The following FRMPD4 variants were observed in gnomAD, a reference collection of about 807,000 sequenced individuals.
FRMPD4 encodes FERM and PDZ domain containing 4, also known as FERM and PDZ domain-containing protein 4.
In FRMPD4, 22 loss-of-function variants were observed where a neutral mutation model predicts 94.1. The observed-to-expected ratio is 0.23, with a 90% CI of 0.17 to 0.33. The LOEUF (loss-of-function observed/expected upper bound fraction) is 0.33. FRMPD4 is among the 10% of genes least tolerant of loss of function. FRMPD4 has a pLI of 1.00. For missense variants in FRMPD4, 1,111 were observed against 1,339.9 expected (o/e 0.83, Z 2.67); for synonymous variants, 631 against 548.6 (o/e 1.15, Z -2.10).
intron 1 of FRMPD4, among the ~76,000 whole-genome samples, chrX:12,418,552 G>T (rs1320386444): frequency 9.2e-6 from 1 of 108,568 alleles, no homozygotes; most frequent in African/African-American, 3.4e-5. Context: ...TAGAGATGGG[G>T]TTTCACCATG....
At chrX:12,020,760 A>G (rs1321197927) in intron 3 of FRMPD4, among the ~76,000 whole-genome samples, 2 of 112,041 alleles carry the variant, frequency 1.8e-5, no homozygotes, top group Admixed American at 9.4e-5. Context: ...GTTTCAATTA[A>G]TTAATCAACC....
At chrX:12,469,101 A>C (rs781110734) in intron 1 of FRMPD4, among the ~76,000 whole-genome samples, 4 of 112,263 alleles carry the variant, frequency 3.6e-5, no homozygotes, top group Non-Finnish European at 7.5e-5. Context: ...GAGTCATTTC[A>C]TTTGCTTAGA....
At chrX:12,670,967 G>A (rs187210454) in intron 4 of FRMPD4, among the ~76,000 whole-genome samples, 2 of 112,291 alleles carry the variant, frequency 1.8e-5, no homozygotes, top group South Asian at 3.7e-4. Flanking sequence ...ATATTTATGC[G>A]GCCAACAAAC....
intron 1 of FRMPD4, among the ~76,000 whole-genome samples, chrX:12,491,802 G>C (rs1000035198): frequency 1.8e-5 from 2 of 111,750 alleles, no homozygotes; most frequent in African/African-American, 6.5e-5. Context: ...TAAGGACATT[G>C]TCCATCCCCT....
rs919503896 is a variant in FRMPD4 at position 12,698,009 on chromosome X, T to A, written c.933+3555T>A. ...CATAAGTCTAAAATAACATCTAATA[T>A]AAGTCAACAGATCTGCAAATGGTGT... On this transcript the variant is annotated intron_variant, in intron 9 of 16. Coordinates refer to ENST00000675598, the MANE Select transcript of FRMPD4 (RefSeq NM_001368397.1). Among the ~76,000 whole-genome samples, 6 of 112,046 alleles carry A rather than the reference T, an allele frequency of 5.4e-5. 1 individual carries two copies. The Admixed American group carries it at 5.7e-4, about 11-fold the overall frequency.
intron 2 of FRMPD4, among the ~76,000 whole-genome samples, chrX:12,511,523 A>G (rs1032012617): frequency 9.0e-6 from 1 of 111,599 alleles, no homozygotes; most frequent in Non-Finnish European, 1.9e-5. Context: ...AGAGGTTTCA[A>G]CAGAAGACTG....
chrX:11,841,622 A>G (rs1358707120), intron 1 of FRMPD4, among the ~76,000 whole-genome samples: 1 of 111,287 alleles, frequency 9.0e-6, no homozygotes, highest in African/African-American at 3.3e-5. Flanking sequence ...AATGTGTTTG[A>G]GTTCATTGTA....
intron 1 of FRMPD4, among the ~76,000 whole-genome samples, chrX:12,476,449 C>G (rs1367378108): frequency 1.1e-3 from 119 of 111,087 alleles, no homozygotes; most frequent in African/African-American, 3.9e-3. Flanking sequence ...GCAACAAAAG[C>G]CAAAATTGAC....
At chrX:12,277,635 A>G (rs1449389411) in intron 1 of FRMPD4, among the ~76,000 whole-genome samples, 4 of 111,711 alleles carry the variant, frequency 3.6e-5, no homozygotes, top group Non-Finnish European at 5.6e-5. Context: ...GGGAAGAAAA[A>G]GGGGTCACCA....
At chrX:12,399,950 G>A (rs1475025601) in intron 1 of FRMPD4, among the ~76,000 whole-genome samples, 3 of 111,944 alleles carry the variant, frequency 2.7e-5, no homozygotes, top group East Asian at 5.6e-4. Context: ...TGACCATGTG[G>A]TTCTCCTGGG....
At chrX:12,694,244 A>C in intron 8 of FRMPD4, 91 bp from the exon 9 acceptor site, 1 of 622,537 alleles carries the variant, frequency 1.6e-6, no homozygotes, top group Non-Finnish European at 2.6e-6. Flanking sequence ...TTCTTTCCTT[A>C]GTGTCCAAAA....
At chrX:12,521,386 G>A (rs756256533) in intron 2 of FRMPD4, among the ~76,000 whole-genome samples, 1 of 111,941 alleles carries the variant, frequency 8.9e-6, no homozygotes, top group African/African-American at 3.3e-5. Flanking sequence ...TTGGAAGATC[G>A]TGCAATCTCT....
intron 2 of FRMPD4, among the ~76,000 whole-genome samples, chrX:12,499,516 A>T (rs1410450994): frequency 8.9e-6 from 1 of 112,165 alleles, no homozygotes; most frequent in Non-Finnish European, 1.9e-5. Flanking sequence ...TTAAACAATA[A>T]TTGCCAGTTC....
chrX:12,092,978 G>T (rs1416151740), intron 3 of FRMPD4, among the ~76,000 whole-genome samples: 4 of 111,492 alleles, frequency 3.6e-5, no homozygotes, highest in Non-Finnish European at 7.5e-5. Flanking sequence ...AGAGGTGAGA[G>T]AGCAAGTAAT....
chrX:12,513,302 C>A (rs980574862), intron 2 of FRMPD4, among the ~76,000 whole-genome samples: 4 of 111,893 alleles, frequency 3.6e-5, no homozygotes, highest in African/African-American at 9.7e-5. Flanking sequence ...GTGCCTACGT[C>A]CTGAATGGTA....
At chrX:12,484,729 C>T (rs2057722135) in intron 1 of FRMPD4, among the ~76,000 whole-genome samples, 1 of 111,865 alleles carries the variant, frequency 8.9e-6, no homozygotes, top group Non-Finnish European at 1.9e-5. Context: ...TGGCACATGA[C>T]TTAACTCAAA....
In FRMPD4 at chrX:12,220,049, G is replaced by A. The variant is rs143208486; in HGVS notation, c.41+81037G>A. On this transcript the variant is annotated intron_variant, in intron 1 of 16. Coordinates refer to ENST00000675598, the MANE Select transcript of FRMPD4 (RefSeq NM_001368397.1). ...CCAGCTACTCGGGAGGCTGAGGCAG[G>A]AGAATTGTTTGAACCCAGGAGGCGG... Among the ~76,000 whole-genome samples, 520 of 111,997 alleles carry A rather than the reference G, an allele frequency of 4.6e-3. 2 individuals are homozygous for A. The highest frequency in any genetic ancestry group is 7.7e-3 in the Non-Finnish European group (409 of 53,231).
chrX:12,342,688 A>G (rs4358981), intron 1 of FRMPD4, among the ~76,000 whole-genome samples: 1 of 111,332 alleles, frequency 9.0e-6, no homozygotes, highest in Non-Finnish European at 1.9e-5. Context: ...TGACATGTGT[A>G]TGACATAATG....
chrX:12,370,973 C>A (rs1001519896), intron 1 of FRMPD4, among the ~76,000 whole-genome samples: 2 of 111,628 alleles, frequency 1.8e-5, no homozygotes, highest in African/African-American at 6.5e-5. Flanking sequence ...GTATCATTGC[C>A]AAGGGGAAAT....
Sources: allele counts gnomAD v4.1 joint callset (sites outside exome capture counted in the v4.1 genomes callset), GRCh38; gene constraint gnomAD v4.1.1; transcripts MANE v1.5; gene names NCBI Gene and HGNC (gene_info 2026-07-23, HGNC 2026-07-21).